The following PUDP variants were observed in gnomAD, a reference collection of about 807,000 sequenced individuals.
PUDP encodes the protein pseudouridine 5'-phosphatase.
In PUDP, 8 loss-of-function variants were observed where a neutral mutation model predicts 9.4. The ratio of observed to expected loss-of-function variants is 0.85; its 90% confidence interval spans 0.50 to 1.53. The LOEUF (loss-of-function observed/expected upper bound fraction) is 1.53, where lower values mean the gene tolerates loss of function less well. PUDP is among the 40% of genes most tolerant of loss of function. PUDP has a pLI of 0.00. For synonymous variants in PUDP, 99 were observed against 80.7 expected, an observed-to-expected ratio of 1.23 and a Z score of -1.22; for missense variants, 188 against 189.7, an observed-to-expected ratio of 0.99 and a Z score of 0.05.
At chrX:6,718,420 A>G (rs941189435) in intron 1 of PUDP, among the ~76,000 whole-genome samples, 1 of 112,353 alleles carries the variant, frequency 8.9e-6, no homozygotes, top group Admixed American at 9.5e-5. Context: ...TTAGCCATCA[A>G]AAAGAATGAA....
At chrX:7,057,523 G>A (rs1930276340) in intron 3 of PUDP, 3 of 640,539 alleles carry the variant, frequency 4.7e-6, no homozygotes, top group Non-Finnish European at 4.5e-6. Flanking sequence ...GATGATACCT[G>A]GGATGTTAAG....
intron 3 of PUDP, among the ~76,000 whole-genome samples, chrX:6,848,431 G>A (rs1358878310): frequency 8.9e-6 from 1 of 112,231 alleles, no homozygotes; most frequent in Non-Finnish European, 1.9e-5. Flanking sequence ...TGTTATATGG[G>A]ACTAATATTA....
At chrX:6,765,001 T>G (rs1925267202) in intron 3 of PUDP, among the ~76,000 whole-genome samples, 1 of 110,765 alleles carries the variant, frequency 9.0e-6, no homozygotes, top group South Asian at 3.9e-4. Flanking sequence ...GTGTGGTGGC[T>G]TACGTCTGTA....
intron 3 of PUDP, among the ~76,000 whole-genome samples, chrX:6,808,216 G>T (rs140064858): frequency 0.02 from 2,209 of 111,051 alleles, 54 homozygotes; most frequent in African/African-American, 0.069. Context: ...GTTCCTAATG[G>T]CATGCATGGC....
At chrX:7,038,122 G>GATAT (rs767311031) in intron 1 of PUDP, among the ~76,000 whole-genome samples, 102 of 110,759 alleles carry the variant, frequency 9.2e-4, no homozygotes, top group Non-Finnish European at 1.6e-3. Flanking sequence ...AGAGGATGCA[G>GATAT]ATATATATAT....
chrX:7,082,356 C>T (rs1266868669), intron 2 of PUDP, among the ~76,000 whole-genome samples: 1 of 112,529 alleles, frequency 8.9e-6, no homozygotes, highest in Non-Finnish European at 1.9e-5. Context: ...CGCGCGGTCT[C>T]AGGTGTTCGT....
chrX:7,115,428 G>C (rs1035684361), intron 1 of PUDP, among the ~76,000 whole-genome samples: 15 of 112,204 alleles, frequency 1.3e-4, no homozygotes, highest in Non-Finnish European at 2.3e-4. Context: ...TTTTCTTCTA[G>C]TGAAAGCATT....
At chrX:6,876,978 T>C (rs1287043815) in intron 3 of PUDP, among the ~76,000 whole-genome samples, 3 of 96,903 alleles carry the variant, frequency 3.1e-5, no homozygotes, top group African/African-American at 1.2e-4. Flanking sequence ...CACACACACA[T>C]AACACTTTAG....
At chrX:7,034,011 G>A (rs1350766937) in intron 1 of PUDP, among the ~76,000 whole-genome samples, 3 of 112,272 alleles carry the variant, frequency 2.7e-5, no homozygotes, top group Admixed American at 9.4e-5. Context: ...AGCCCTAAGC[G>A]ATGACAGATA....
intron 3 of PUDP, among the ~76,000 whole-genome samples, chrX:6,954,926 C>T (rs1928604832): frequency 8.9e-6 from 1 of 111,844 alleles, no homozygotes; most frequent in Non-Finnish European, 1.9e-5. Context: ...GGCAGATCTC[C>T]ATCTCCAGCC....
At chrX:6,916,815 T>A (rs6639708) in intron 3 of PUDP, among the ~76,000 whole-genome samples, 22,831 of 111,494 alleles carry the variant, frequency 0.2, 1,886 homozygotes, top group Admixed American at 0.35. Context: ...TACATTGAAA[T>A]AACTGTAACA....
rs143859608 is a variant in PUDP at position 6,858,990 on chromosome X, T to C, written c.*247+118143A>G. ...ATTCCCACATGCCAGTGGGAGGTTA[T>C]TGAATCATGGTGGCAGGTCTTTCTT... On this transcript the variant is annotated intron_variant and NMD_transcript_variant, in intron 3 of 3. Coordinates refer to the PUDP transcript ENST00000655425. Among the ~76,000 whole-genome samples, 42 of 111,827 alleles carry C rather than the reference T, an allele frequency of 3.8e-4. No individual in the cohort carries two copies. In the East Asian group the frequency reaches 4.5e-3, roughly 12 times the overall value.
intron 3 of PUDP, among the ~76,000 whole-genome samples, chrX:6,836,108 ATAC>A (rs934682985): frequency 1.8e-5 from 2 of 111,599 alleles, no homozygotes; most frequent in East Asian, 2.8e-4. Flanking sequence ...TGTTCTAATA[ATAC>A]TATTTTAAAA....
At chrX:6,901,437 C>G (rs1927683850) in intron 3 of PUDP, among the ~76,000 whole-genome samples, 1 of 112,295 alleles carries the variant, frequency 8.9e-6, no homozygotes, top group Non-Finnish European at 1.9e-5. Context: ...TCAACAAACA[C>G]TGATGCCAGG....
chrX:6,915,767 A>G (rs1465493488), intron 3 of PUDP, among the ~76,000 whole-genome samples: 2 of 112,150 alleles, frequency 1.8e-5, no homozygotes, highest in Non-Finnish European at 3.8e-5. Flanking sequence ...ATCTTCTAAT[A>G]TGGATAATTC....
At chrX:7,120,975 CAG>C (rs776801644) in intron 1 of PUDP, among the ~76,000 whole-genome samples, 3 of 111,458 alleles carry the variant, frequency 2.7e-5, no homozygotes, top group East Asian at 2.8e-4. Flanking sequence ...GGCATGGGGT[CAG>C]AGAGAGGCAG....
chrX:7,059,456 CCT>C (rs1160223879), intron 3 of PUDP, among the ~76,000 whole-genome samples: 1 of 111,878 alleles, frequency 8.9e-6, no homozygotes, highest in South Asian at 3.8e-4. Flanking sequence ...TTTTCCACAT[CCT>C]CTGAGTAAAA....
At chrX:6,782,188 G>A (rs978314197) in intron 3 of PUDP, among the ~76,000 whole-genome samples, 4 of 111,084 alleles carry the variant, frequency 3.6e-5, no homozygotes, top group African/African-American at 1.3e-4. Flanking sequence ...GGGAAATTCC[G>A]GTGCCCTAGT....
At chrX:7,065,082 G>C (rs769862522) in intron 3 of PUDP, among the ~76,000 whole-genome samples, 2 of 111,549 alleles carry the variant, frequency 1.8e-5, no homozygotes, top group Admixed American at 9.5e-5. Context: ...TATAAGAGAC[G>C]TGATCTCAGC....
Sources: gnomAD v4.1 joint callset for allele counts (sites outside exome capture counted in the v4.1 genomes callset) on GRCh38, gnomAD v4.1.1 for gene constraint, MANE v1.5 for transcripts, NCBI Gene and HGNC (gene_info 2026-07-23, HGNC 2026-07-21) for gene names.